The following GALNT13 variants were observed in gnomAD, a reference collection of about 807,000 sequenced individuals.
GALNT13 encodes the protein UDP-GalNAc:polypeptide N-acetylgalactosaminyltransferase 13.
GALNT13 carries 28 observed loss-of-function variants against 64.2 expected under a neutral mutation model. That is an observed-to-expected ratio of 0.44 (90% CI 0.32 to 0.60). The LOEUF (loss-of-function observed/expected upper bound fraction) is 0.60, where lower values mean the gene tolerates loss of function less well. Among genes scored for constraint, GALNT13 ranks in the 20% least tolerant of loss-of-function variants. The probability of loss-of-function intolerance (pLI) is 0.05; values close to 1 mark genes in which losing one functional copy is unlikely to be tolerated. For synonymous variants in GALNT13, 214 were observed against 224.6 expected, an observed-to-expected ratio of 0.95 and a Z score of 0.42; for missense variants, 577 against 669.8, an observed-to-expected ratio of 0.86 and a Z score of 1.53.
the GALNT13 span, among the ~76,000 whole-genome samples, chr2:153,174,559 G>A: frequency 2.8e-5 from 4 of 145,168 alleles, no homozygotes; most frequent in Non-Finnish European, 4.5e-5. Flanking sequence ...CTTCTTAAAT[G>A]TATCCCTTTC....
At chr2:153,735,717 G>A in the GALNT13 span, among the ~76,000 whole-genome samples, 1 of 152,144 alleles carries the variant, frequency 6.6e-6, no homozygotes, top group African/African-American at 2.4e-5. Flanking sequence ...AGATCCCATT[G>A]TTTCACAGAG....
chr2:154,195,193 A>G (rs1686812534), intron 4 of GALNT13, among the ~76,000 whole-genome samples: 2 of 152,088 alleles, frequency 1.3e-5, no homozygotes, highest in African/African-American at 2.4e-5. Flanking sequence ...AAAGATGACT[A>G]TTTTGGGTAA....
At chr2:153,764,760 T>G in the GALNT13 span, among the ~76,000 whole-genome samples, 859 of 152,306 alleles carry the variant, frequency 5.6e-3, 5 homozygotes, top group Non-Finnish European at 8.6e-3. Context: ...TCCAGAAGCC[T>G]TGAAGTAATA....
chr2:154,185,796 T>C (rs925424933), intron 4 of GALNT13, among the ~76,000 whole-genome samples: 1 of 152,060 alleles, frequency 6.6e-6, no homozygotes, highest in African/African-American at 2.4e-5. Context: ...TGATTATTTC[T>C]AAATGATTAC....
the GALNT13 span, among the ~76,000 whole-genome samples, chr2:153,143,365 A>G: frequency 2.0e-5 from 3 of 152,036 alleles, no homozygotes; most frequent in African/African-American, 7.2e-5. Flanking sequence ...TTCTTTTGCA[A>G]GAACTCTCTG....
chr2:153,850,174 GTCT>G, the GALNT13 span, among the ~76,000 whole-genome samples: 1 of 44,348 alleles, frequency 2.3e-5, no homozygotes, highest in Non-Finnish European at 6.6e-5. Flanking sequence ...GCGAGACTCC[GTCT>G]AAAAAAAAAA....
chr2:153,792,209 A>G, the GALNT13 span, among the ~76,000 whole-genome samples: 1 of 152,198 alleles, frequency 6.6e-6, no homozygotes, highest in Non-Finnish European at 1.5e-5. Flanking sequence ...GGTGGGTTCT[A>G]CATCCATGTA....
At chr2:154,260,454 G>C (rs947441168) in intron 8 of GALNT13, among the ~76,000 whole-genome samples, 2 of 152,104 alleles carry the variant, frequency 1.3e-5, no homozygotes, top group Non-Finnish European at 2.9e-5. Context: ...CAGTAGGATG[G>C]CCTAGTTATA....
chr2:154,024,606 C>G (rs1361735903), intron 3 of GALNT13, among the ~76,000 whole-genome samples: 1 of 151,562 alleles, frequency 6.6e-6, no homozygotes, highest in Non-Finnish European at 1.5e-5. Context: ...ATTTTTTTTT[C>G]AAAGCTTTTA....
chr2:153,774,399 T>A, the GALNT13 span, among the ~76,000 whole-genome samples: 4 of 152,128 alleles, frequency 2.6e-5, no homozygotes, highest in Non-Finnish European at 5.9e-5. Flanking sequence ...GAAGATGGCA[T>A]TGCAATTATG....
chr2:153,545,894 G>C, the GALNT13 span, among the ~76,000 whole-genome samples: 5 of 152,304 alleles, frequency 3.3e-5, no homozygotes, highest in African/African-American at 1.2e-4. Context: ...GGCAAAGTAC[G>C]TGGATCCAGT....
At chr2:153,645,763 CT>C in the GALNT13 span, among the ~76,000 whole-genome samples, 1 of 152,086 alleles carries the variant, frequency 6.6e-6, no homozygotes, top group Non-Finnish European at 1.5e-5. Context: ...TCCTGGCAAG[CT>C]TTCACAGGAT....
In GALNT13 at chr2:154,120,872, C is replaced by T. The variant is rs550859393; in HGVS notation, c.143-19465C>T. 2.2e-4 allele frequency among the ~76,000 whole-genome samples: 33 copies of T among 152,214 alleles called. No individual in the cohort carries two copies. In the South Asian group the frequency reaches 5.0e-3, roughly 23 times the overall value. ...AACAGAGCAACCACCAAGATTCATGCGCTAGTCACTATGACCTGCACTTCC... is the reference window on the plus strand; with the variant it reads ...AACAGAGCAACCACCAAGATTCATGTGCTAGTCACTATGACCTGCACTTCC... On this transcript the variant is annotated intron_variant, in intron 3 of 12. Transcript: ENST00000392825.
At chr2:153,306,037 C>T in the GALNT13 span, among the ~76,000 whole-genome samples, 33 of 152,260 alleles carry the variant, frequency 2.2e-4, no homozygotes, top group South Asian at 5.2e-3. Context: ...GTGGCATGAA[C>T]GGCTGATGCT....
At chr2:153,765,909 C>A in the GALNT13 span, among the ~76,000 whole-genome samples, 2 of 152,120 alleles carry the variant, frequency 1.3e-5, no homozygotes, top group African/African-American at 4.8e-5. Flanking sequence ...CCTGCCACCA[C>A]GTAAGATGTG....
chr2:153,964,893 C>A (rs767419244), intron 3 of GALNT13, among the ~76,000 whole-genome samples: 1 of 151,944 alleles, frequency 6.6e-6, no homozygotes, highest in Non-Finnish European at 1.5e-5. Context: ...AATGGCCACA[C>A]AATATTTTAT....
At chr2:153,855,198 T>G in the GALNT13 span, among the ~76,000 whole-genome samples, 1 of 152,196 alleles carries the variant, frequency 6.6e-6, no homozygotes, top group Non-Finnish European at 1.5e-5. Context: ...AAAAATTAAT[T>G]GTAACTTATT....
the GALNT13 span, among the ~76,000 whole-genome samples, chr2:153,152,088 T>G: frequency 1.1e-4 from 17 of 152,116 alleles, no homozygotes; most frequent in Middle Eastern, 0.014. Context: ...TGGGGAGAGC[T>G]AGTACTAAAC....
At chr2:153,943,676 G>A (rs1184582439) in intron 2 of GALNT13, among the ~76,000 whole-genome samples, 3 of 151,942 alleles carry the variant, frequency 2.0e-5, no homozygotes, top group African/African-American at 4.8e-5. Flanking sequence ...TGTATTTTTA[G>A]TAGAGACGTG....
Sources: allele counts gnomAD v4.1 joint callset (sites outside exome capture counted in the v4.1 genomes callset), GRCh38; gene constraint gnomAD v4.1.1; transcripts MANE v1.5; gene names NCBI Gene and HGNC (gene_info 2026-07-23, HGNC 2026-07-21).